The following ADAM12 variants were observed in gnomAD, a reference collection of about 807,000 sequenced individuals.
The protein encoded by ADAM12 is disintegrin and metalloproteinase domain-containing protein 12.
Under a neutral mutation model 106.4 loss-of-function variants are expected in ADAM12, and 70 were observed. The ratio of observed to expected loss-of-function variants is 0.66; its 90% confidence interval spans 0.54 to 0.80. The LOEUF is 0.80. Among genes scored for constraint, ADAM12 ranks in the 30% least tolerant of loss-of-function variants. ADAM12 has a pLI of 0.00. For missense variants in ADAM12, 1,010 were observed against 1,171.9 expected (o/e 0.86, Z 2.02); for synonymous variants, 420 against 433.5 (o/e 0.97, Z 0.39).
At chr10:126,039,857 T>C (rs1275731861) in intron 18 of ADAM12, among the ~76,000 whole-genome samples, 1 of 152,228 alleles carries the variant, frequency 6.6e-6, no homozygotes, top group African/African-American at 2.4e-5. Context: ...TCTTTACTCA[T>C]TCTGTAGTTG....
chr10:126,287,252 C>T (rs1033409469), intron 2 of ADAM12, among the ~76,000 whole-genome samples: 55 of 152,188 alleles, frequency 3.6e-4, no homozygotes, highest in Non-Finnish European at 1.6e-4. Flanking sequence ...GTGCATCTGT[C>T]TGAGGACAAT....
intron 3 of ADAM12, among the ~76,000 whole-genome samples, chr10:126,162,101 G>A (rs190683681): frequency 6.6e-6 from 1 of 152,176 alleles, no homozygotes; most frequent in Non-Finnish European, 1.5e-5. Flanking sequence ...ATGGGAATAA[G>A]ATGCTCCAGG....
At chr10:126,132,068 C>T (rs573933071) in intron 5 of ADAM12, among the ~76,000 whole-genome samples, 15 of 151,958 alleles carry the variant, frequency 9.9e-5, no homozygotes, top group East Asian at 2.0e-4. Context: ...CCCCGCCTCC[C>T]GGGTTCAAGC....
intron 3 of ADAM12, among the ~76,000 whole-genome samples, chr10:126,230,263 G>A (rs1034367127): frequency 2.0e-5 from 3 of 151,976 alleles, no homozygotes; most frequent in African/African-American, 4.8e-5. Context: ...GTTTCTACCC[G>A]CCCCTCACAC....
At chr10:126,247,697 C>A (rs1472921792) in intron 3 of ADAM12, among the ~76,000 whole-genome samples, 1 of 152,178 alleles carries the variant, frequency 6.6e-6, no homozygotes, top group Admixed American at 6.5e-5. Flanking sequence ...TCGCTGTTAT[C>A]TAGTTTTTGG....
At chr10:126,091,900 G>C (rs1388698730) in intron 11 of ADAM12, among the ~76,000 whole-genome samples, 2 of 133,660 alleles carry the variant, frequency 1.5e-5, no homozygotes, top group African/African-American at 7.1e-5. Flanking sequence ...CAAGTGGGTG[G>C]AGAGACAGAT....
chr10:126,384,522 A>G (rs1289676474), intron 1 of ADAM12, among the ~76,000 whole-genome samples: 1 of 152,124 alleles, frequency 6.6e-6, no homozygotes, highest in Non-Finnish European at 1.5e-5. Context: ...GCTGTAATGT[A>G]TGCCTAAAAA....
At chr10:126,352,856 T>A (rs1466545889) in intron 1 of ADAM12, among the ~76,000 whole-genome samples, 1 of 152,190 alleles carries the variant, frequency 6.6e-6, no homozygotes, top group Non-Finnish European at 1.5e-5. Flanking sequence ...CAAGGTGGGA[T>A]ATAAGAATGT....
At chr10:126,267,196 TCA>T (rs369629375) in intron 3 of ADAM12, among the ~76,000 whole-genome samples, 1 of 152,194 alleles carries the variant, frequency 6.6e-6, no homozygotes, top group East Asian at 1.9e-4. Context: ...TGCTGTTGAA[TCA>T]CAGTTACACC....
At chr10:126,226,571 G>T (rs567646810) in intron 3 of ADAM12, among the ~76,000 whole-genome samples, 1 of 152,296 alleles carries the variant, frequency 6.6e-6, no homozygotes, top group African/African-American at 2.4e-5. Flanking sequence ...GCCAGCTGAG[G>T]GACCTTAGGC....
At chr10:126,131,272 C>G (rs1049163453) in intron 5 of ADAM12, among the ~76,000 whole-genome samples, 1 of 152,030 alleles carries the variant, frequency 6.6e-6, no homozygotes, top group African/African-American at 2.4e-5. Context: ...AAGCTCCCCA[C>G]TGACAACTCT....
chr10:126,267,062 G>A (rs769400521), intron 3 of ADAM12, among the ~76,000 whole-genome samples: 2 of 152,162 alleles, frequency 1.3e-5, no homozygotes, highest in Non-Finnish European at 1.5e-5. Context: ...AGGAGCTGAC[G>A]TGGCTTGTCT....
intron 3 of ADAM12, among the ~76,000 whole-genome samples, chr10:126,222,964 A>G (rs10794069): frequency 0.26 from 40,116 of 152,162 alleles, 5,436 homozygotes; most frequent in Admixed American, 0.35. Context: ...GGCCAAGGGA[A>G]AAAAGCCTAT....
At chr10:126,103,746 A>G (rs1411190923) in intron 8 of ADAM12, among the ~76,000 whole-genome samples, 1 of 152,238 alleles carries the variant, frequency 6.6e-6, no homozygotes, top group African/African-American at 2.4e-5. Context: ...TGCCTGCCTG[A>G]CTTACAAAGC....
chr10:126,245,230 T>C (rs376682302), intron 3 of ADAM12, among the ~76,000 whole-genome samples: 25 of 152,236 alleles, frequency 1.6e-4, no homozygotes, highest in East Asian at 1.5e-3. Flanking sequence ...TGGCAGGGTG[T>C]TTCTGAAAGG....
Position 126,064,547 on chromosome 10 carries a change from G to A in ADAM12, c.1609+259C>T, listed in dbSNP as rs1565026834. 2.4e-6 allele frequency: 1 copy of A among 421,586 alleles called. No individual in the cohort carries two copies. Among genetic ancestry groups the A allele is most frequent in the Non-Finnish European group, 4.3e-6 (1 of 234,444 alleles). 26.1% of individuals were successfully genotyped at this position (421,586 alleles called of 1,614,324 possible). A position where few individuals can be genotyped will look rare whatever the true frequency, so the allele number is the denominator to read the frequency against. On this transcript the variant is annotated intron_variant, in intron 14 of 22. Coordinates refer to ENST00000448723, the MANE Select transcript of ADAM12 (RefSeq NM_001288973.2). The surrounding 1 kb of genome is among the most constrained non-coding windows in gnomAD (Gnocchi z 4.4). ...CTGTATCCCCCGGGGCGCACAGTAG[G>A]TGCTCCTGCAGCTCCTGTTGGACCG...
chr10:126,093,880 TG>T (rs748443017), intron 11 of ADAM12, 104 bp downstream of exon 11: 51 of 1,524,194 alleles, frequency 3.3e-5, no homozygotes, highest in Non-Finnish European at 4.4e-5. Flanking sequence ...GAAGCTTCCC[TG>T]GGTGCTCTGA....
intron 3 of ADAM12, among the ~76,000 whole-genome samples, chr10:126,187,613 G>A (rs1358693185): frequency 6.6e-6 from 1 of 152,156 alleles, no homozygotes; most frequent in Non-Finnish European, 1.5e-5. Flanking sequence ...GCCCCTAGAG[G>A]GTGGTGTTAA....
chr10:126,073,189 A>G (rs7084390), intron 11 of ADAM12, among the ~76,000 whole-genome samples: 27,169 of 152,134 alleles, frequency 0.18, 2,873 homozygotes, highest in East Asian at 0.27. Context: ...CCCGGATTCA[A>G]GTAACTCTCC....
Sources: gnomAD v4.1 joint callset for allele counts (sites outside exome capture counted in the v4.1 genomes callset) on GRCh38, gnomAD v4.1.1 for gene constraint, Gnocchi (gnomAD v3.1) non-coding constraint, MANE v1.5 for transcripts, NCBI Gene and HGNC (gene_info 2026-07-23, HGNC 2026-07-21) for gene names.